Variants in ALDH1A2 observed in about 807,000 individuals in gnomAD.
ALDH1A2 encodes aldehyde dehydrogenase 1 family member A2, also known as retinal dehydrogenase 2.
A neutral mutation model predicts 60.3 loss-of-function variants in ALDH1A2; 27 were observed. That is an observed-to-expected ratio of 0.45 (90% CI 0.33 to 0.62). The LOEUF (loss-of-function observed/expected upper bound fraction) is 0.62. Among genes scored for constraint, ALDH1A2 ranks in the 20% least tolerant of loss-of-function variants. The pLI is 0.02. For missense variants in ALDH1A2, 581 were observed against 643.8 expected (o/e 0.90, Z 1.06); for synonymous variants, 289 against 232.4 (o/e 1.24, Z -2.21).
intron 1 of ALDH1A2, 111 bp downstream of exon 1, chr15:58,065,423 C>T (rs896676642): frequency 7.2e-5 from 68 of 944,926 alleles, no homozygotes; most frequent in Non-Finnish European, 8.7e-6. Context: ...GACAGGCTGG[C>T]CCCGACGACC....
rs34408439 is a variant in ALDH1A2 at position 57,961,531 on chromosome 15, A to G, written c.1252-237T>C. Among the ~76,000 whole-genome samples the G allele has an allele frequency of 5.0e-3, 766 of 152,266 alleles. 3 individuals are homozygous for G. The highest frequency in any genetic ancestry group is 0.018 in the African/African-American group (743 of 41,550). On this transcript the variant is annotated intron_variant, in intron 10 of 12. Transcript: ENST00000249750. ...CCAGCATCACTTGATTCCACTGTGT[A>G]TACTAGGGGTGTCTTCTTTAGGTAC...
chr15:57,965,610 T>A, intron 8 of ALDH1A2, 115 bp downstream of exon 8: 1 of 861,034 alleles, frequency 1.2e-6, no homozygotes, highest in South Asian at 1.3e-5. Context: ...GGAGATCTTT[T>A]TGATTGCCCT....
intron 1 of ALDH1A2, among the ~76,000 whole-genome samples, chr15:58,058,595 A>C (rs1896952236): frequency 6.6e-6 from 1 of 152,076 alleles, no homozygotes; most frequent in Non-Finnish European, 1.5e-5. Context: ...AAAAATGTAT[A>C]ATCAAGATTG....
At chr15:57,995,349 A>T in intron 4 of ALDH1A2, among the ~76,000 whole-genome samples, 1 of 152,062 alleles carries the variant, frequency 6.6e-6, no homozygotes, top group Non-Finnish European at 1.5e-5. Flanking sequence ...ACCCAAATGC[A>T]GTATTGAGGA....
At chr15:58,002,408 G>T (rs1289999699) in intron 4 of ALDH1A2, among the ~76,000 whole-genome samples, 1 of 151,816 alleles carries the variant, frequency 6.6e-6, no homozygotes, top group African/African-American at 2.4e-5. Context: ...TTAATTATTT[G>T]GATAATTCAT....
At chr15:57,988,436 G>A (rs949180779) in intron 7 of ALDH1A2, among the ~76,000 whole-genome samples, 10 of 151,958 alleles carry the variant, frequency 6.6e-5, no homozygotes, top group African/African-American at 2.4e-4. Flanking sequence ...TCAAAATGGG[G>A]GATTTTAGAC....
chr15:58,004,028 G>A (rs943180233), intron 4 of ALDH1A2, among the ~76,000 whole-genome samples: 4 of 151,758 alleles, frequency 2.6e-5, no homozygotes, highest in South Asian at 2.1e-4. Context: ...ATCCAGCTGT[G>A]GGCCTTGAGC....
At chr15:58,002,380 A>G (rs1895303443) in intron 4 of ALDH1A2, among the ~76,000 whole-genome samples, 1 of 151,980 alleles carries the variant, frequency 6.6e-6, no homozygotes, top group African/African-American at 2.4e-5. Flanking sequence ...AGAGAGAGAA[A>G]TATTTAATTA....
chr15:58,043,375 T>C (rs1451303257), intron 1 of ALDH1A2, among the ~76,000 whole-genome samples: 9 of 151,990 alleles, frequency 5.9e-5, no homozygotes, highest in African/African-American at 2.2e-4. Context: ...TCTGTACATC[T>C]GGGTTAGTGG....
intron 1 of ALDH1A2, among the ~76,000 whole-genome samples, chr15:58,042,389 C>A (rs1994926): frequency 6.6e-6 from 1 of 151,678 alleles, no homozygotes; most frequent in Non-Finnish European, 1.5e-5. Context: ...TATGCCACTA[C>A]GTCATCTTTA....
chr15:58,029,215 C>G (rs578069853), intron 1 of ALDH1A2, among the ~76,000 whole-genome samples: 1 of 152,278 alleles, frequency 6.6e-6, no homozygotes, highest in South Asian at 2.1e-4. Flanking sequence ...ACAGTGCAAT[C>G]AAATTAGAAC....
intron 4 of ALDH1A2, among the ~76,000 whole-genome samples, chr15:57,999,799 A>G (rs1387246888): frequency 6.6e-6 from 1 of 152,048 alleles, no homozygotes; most frequent in African/African-American, 2.4e-5. Flanking sequence ...AATAGCAAAG[A>G]CGTGGAATCA....
At chr15:57,972,252 G>C (rs1894093830) in intron 7 of ALDH1A2, among the ~76,000 whole-genome samples, 1 of 152,172 alleles carries the variant, frequency 6.6e-6, no homozygotes. Context: ...CAAGCCTCAG[G>C]CTCTTCTCCC....
chr15:57,962,403 G>A (rs1471451598), intron 9 of ALDH1A2, among the ~76,000 whole-genome samples: 1 of 152,136 alleles, frequency 6.6e-6, no homozygotes, highest in Non-Finnish European at 1.5e-5. Context: ...CTGCTCTGAT[G>A]ATATTGCCTA....
intron 8 of ALDH1A2, among the ~76,000 whole-genome samples, chr15:57,965,376 A>G (rs1893861600): frequency 6.6e-6 from 1 of 152,164 alleles, no homozygotes; most frequent in Non-Finnish European, 1.5e-5. Flanking sequence ...GCACAGTTGA[A>G]AAGTTACAGA....
intron 1 of ALDH1A2, among the ~76,000 whole-genome samples, chr15:58,051,245 T>A (rs1195178343): frequency 6.6e-6 from 1 of 152,160 alleles, no homozygotes; most frequent in Non-Finnish European, 1.5e-5. Flanking sequence ...GGACCCTGAC[T>A]TAAACTGTGA....
chr15:58,059,177 T>A (rs1232003734), intron 1 of ALDH1A2, among the ~76,000 whole-genome samples: 1 of 152,300 alleles, frequency 6.6e-6, no homozygotes, highest in Middle Eastern at 3.4e-3. Context: ...AAAGGTTAAA[T>A]GAAATAGATC....
chr15:58,064,734 T>G (rs1897128370), intron 1 of ALDH1A2, among the ~76,000 whole-genome samples: 1 of 152,226 alleles, frequency 6.6e-6, no homozygotes, highest in Admixed American at 6.5e-5. Flanking sequence ...TCGATCATTT[T>G]TTTTCTATGT....
intron 7 of ALDH1A2, among the ~76,000 whole-genome samples, chr15:57,968,299 A>C (rs1192400036): frequency 1.3e-5 from 2 of 152,064 alleles, no homozygotes; most frequent in Non-Finnish European, 2.9e-5. Flanking sequence ...CTCTCAAAAA[A>C]CCCTACACAG....
Sources: allele counts gnomAD v4.1 joint callset (sites outside exome capture counted in the v4.1 genomes callset), GRCh38; gene constraint gnomAD v4.1.1; transcripts MANE v1.5; gene names NCBI Gene and HGNC (gene_info 2026-07-23, HGNC 2026-07-21).